Variants in ENPP6 observed in about 807,000 individuals in gnomAD.
ENPP6 encodes glycerophosphocholine cholinephosphodiesterase ENPP6.
A neutral mutation model predicts 42.0 loss-of-function variants in ENPP6; 32 were observed. That is an observed-to-expected ratio of 0.76 (90% confidence interval 0.58 to 1.02). ENPP6 has a LOEUF of 1.02. Among genes scored for constraint, ENPP6 ranks in the 50% least tolerant of loss-of-function variants. The pLI, the probability that ENPP6 is intolerant of heterozygous loss-of-function variation, is 0.00. For synonymous variants in ENPP6, 213 were observed against 216.0 expected (o/e 0.99, Z 0.12); for missense variants, 552 against 566.8 (o/e 0.97, Z 0.27).
At position 184,182,569 on chromosome 4, in the gene ENPP6, G is replaced by A. The variant is rs557348873; in HGVS notation, c.242-28836C>T. ...TAAAGAAACATGCATACAGATGTTCGTTGCATTATTCACAATAGCAAAGAC... is the reference window on the plus strand; with the variant it reads ...TAAAGAAACATGCATACAGATGTTCATTGCATTATTCACAATAGCAAAGAC... On this transcript the variant is annotated intron_variant, in intron 1 of 7. Transcript: ENST00000296741. 3.9e-5 allele frequency among the ~76,000 whole-genome samples: 6 copies of A among 152,080 alleles called. No individual in the cohort carries two copies. The East Asian group carries it at 5.8e-4, about 15-fold the overall frequency.
At chr4:184,189,539 C>A (rs1732686185) in intron 1 of ENPP6, among the ~76,000 whole-genome samples, 1 of 152,210 alleles carries the variant, frequency 6.6e-6, no homozygotes, top group Non-Finnish European at 1.5e-5. Context: ...GAGTCCGCAG[C>A]ACTGGCAGTG....
chr4:184,137,359 A>G (rs1281222974), intron 2 of ENPP6, among the ~76,000 whole-genome samples: 1 of 152,200 alleles, frequency 6.6e-6, no homozygotes. Flanking sequence ...AGCCTCCCAG[A>G]GTGCTGGGAT....
chr4:184,101,304 TTGTGTG>T (rs56174532), intron 6 of ENPP6, among the ~76,000 whole-genome samples: 38,827 of 136,458 alleles, frequency 0.28, 6,123 homozygotes, highest in Non-Finnish European at 0.36. Flanking sequence ...GTGTGTGAGC[TTGTGTG>T]TGTGTGTGTG....
intron 1 of ENPP6, among the ~76,000 whole-genome samples, chr4:184,185,970 A>T (rs755932301): frequency 1.3e-5 from 2 of 152,172 alleles, no homozygotes; most frequent in Non-Finnish European, 2.9e-5. Context: ...AGAATATCTT[A>T]CCCTTACCCA....
At chr4:184,204,544 C>T (rs1444389242) in intron 1 of ENPP6, among the ~76,000 whole-genome samples, 1 of 152,188 alleles carries the variant, frequency 6.6e-6, no homozygotes, top group Non-Finnish European at 1.5e-5. Flanking sequence ...ACTTTCTCGA[C>T]TTCAGCGATC....
chr4:184,111,800 C>T (rs1736199919), intron 6 of ENPP6, among the ~76,000 whole-genome samples: 1 of 152,234 alleles, frequency 6.6e-6, no homozygotes. Context: ...ATGTCCCGGA[C>T]TCCCACTCAC....
At position 184,090,936 on chromosome 4, in the gene ENPP6, G is replaced by A. The variant is rs541789495; in HGVS notation, c.*241C>T. The A allele has an allele frequency of 2.5e-3, 1,157 of 453,994 alleles. 5 individuals carry two copies. The highest frequency in any genetic ancestry group is 3.7e-3 in the Non-Finnish European group (959 of 261,790). The allele number at this position is 453,994 out of a possible 1,614,324, so 28.1% of individuals were successfully genotyped here. A position where few individuals can be genotyped will look rare whatever the true frequency, so the allele number is the denominator to read the frequency against. On this transcript the variant is annotated 3_prime_UTR_variant, in exon 8 of 8. Coordinates refer to ENST00000296741, the MANE Select transcript of ENPP6 (RefSeq NM_153343.4). ...GTAACGTGAAAAGAAAGGAGAAAAT[G>A]ACATATAACTGCACAAATGGAAAGC...
At chr4:184,174,606 A>T (rs578256292) in intron 1 of ENPP6, among the ~76,000 whole-genome samples, 1 of 9,750 alleles carries the variant, frequency 1.0e-4, no homozygotes, top group East Asian at 0.05. Flanking sequence ...AGACTCAGAC[A>T]GGTGAAGTAA....
At chr4:184,211,402 G>A (rs867547184) in intron 1 of ENPP6, among the ~76,000 whole-genome samples, 2,886 of 151,982 alleles carry the variant, frequency 0.019, 35 homozygotes, top group Middle Eastern at 0.034. Context: ...ATGATAAGGG[G>A]GATATCACCA....
At chr4:184,142,649 T>TTAGATTGACAAATTAGATGAGAACCAA in intron 2 of ENPP6, among the ~76,000 whole-genome samples, 1 of 152,112 alleles carries the variant, frequency 6.6e-6, no homozygotes, top group African/African-American at 2.4e-5. Context: ...AACCAACTCA[T>TTAGATTGACAAATTAGATGAGAACCAA]CCATTAGCGC....
chr4:184,134,460 T>C (rs114796414), intron 2 of ENPP6, among the ~76,000 whole-genome samples: 1,785 of 152,304 alleles, frequency 0.012, 24 homozygotes, highest in Non-Finnish European at 0.014. Flanking sequence ...TTTTTTCTGT[T>C]TTGGTGATGT....
intron 7 of ENPP6, among the ~76,000 whole-genome samples, chr4:184,096,763 T>G (rs1735907122): frequency 6.6e-6 from 1 of 152,158 alleles, no homozygotes; most frequent in Admixed American, 6.5e-5. Context: ...CGAGTGCCCT[T>G]GAGCACATCC....
intron 3 of ENPP6, 135 bp from the exon 4 acceptor site, chr4:184,118,035 T>G (rs986608477): frequency 1.2e-4 from 138 of 1,120,796 alleles, no homozygotes; most frequent in Admixed American, 5.6e-5. Context: ...GCCAATACCC[T>G]AAAATAAATG....
At chr4:184,138,594 A>G (rs1169419413) in intron 2 of ENPP6, among the ~76,000 whole-genome samples, 3 of 152,200 alleles carry the variant, frequency 2.0e-5, no homozygotes, top group Non-Finnish European at 4.4e-5. Context: ...ATATAACAGG[A>G]AAGAACATTT....
intron 1 of ENPP6, among the ~76,000 whole-genome samples, chr4:184,209,042 AAACT>A (rs1302800805): frequency 1.4e-4 from 21 of 146,536 alleles, no homozygotes; most frequent in Non-Finnish European, 2.3e-4. Context: ...GTTAGAAGGA[AAACT>A]AACAAACAGA....
intron 2 of ENPP6, among the ~76,000 whole-genome samples, chr4:184,141,044 G>GA (rs1021983036): frequency 5.8e-5 from 5 of 86,270 alleles, no homozygotes; most frequent in African/African-American, 1.6e-4. Flanking sequence ...AAATTTACAA[G>GA]AAAAAACAAA....
intron 1 of ENPP6, among the ~76,000 whole-genome samples, chr4:184,163,810 C>T (rs1027155137): frequency 2.0e-5 from 3 of 152,202 alleles, no homozygotes; most frequent in African/African-American, 7.2e-5. Context: ...ATCAAAACAG[C>T]TGGCAGAAAA....
At chr4:184,126,020 A>G (rs1027505853) in intron 2 of ENPP6, among the ~76,000 whole-genome samples, 1 of 152,186 alleles carries the variant, frequency 6.6e-6, no homozygotes, top group South Asian at 2.1e-4. Flanking sequence ...TAAAAGTTTA[A>G]CAGTCATGTA....
At chr4:184,142,551 GGGT>G (rs1385207882) in intron 2 of ENPP6, among the ~76,000 whole-genome samples, 5 of 152,234 alleles carry the variant, frequency 3.3e-5, no homozygotes, top group African/African-American at 9.6e-5. Flanking sequence ...GGGAGGAAGA[GGGT>G]GGGCTAGCCT....
Sources: gnomAD v4.1 joint callset for allele counts (sites outside exome capture counted in the v4.1 genomes callset) on GRCh38, gnomAD v4.1.1 for gene constraint, MANE v1.5 for transcripts, NCBI Gene and HGNC (gene_info 2026-07-23, HGNC 2026-07-21) for gene names.